SUPT3H: variants seen among roughly 807,000 people sequenced by gnomAD.
The protein encoded by SUPT3H is SPT3 homolog, SAGA and STAGA complex component.
A neutral mutation model predicts 44.3 loss-of-function variants in SUPT3H; 44 were observed. That is an observed-to-expected ratio of 0.99 (90% CI 0.78 to 1.28). The LOEUF (loss-of-function observed/expected upper bound fraction) is 1.28. SUPT3H is among the 50% of genes most tolerant of loss of function. The pLI is 0.00. For missense variants in SUPT3H, 380 were observed against 387.1 expected (o/e 0.98, Z 0.15); for synonymous variants, 124 against 125.6 (o/e 0.99, Z 0.09).
intron 2 of SUPT3H, among the ~76,000 whole-genome samples, chr6:45,221,385 TAA>T (rs149429310): frequency 0.018 from 2,784 of 152,122 alleles, 48 homozygotes; most frequent in South Asian, 0.085. Context: ...AATATAATAA[TAA>T]GAGTGAAATA....
intron 2 of SUPT3H, among the ~76,000 whole-genome samples, chr6:45,107,574 G>A (rs960579759): frequency 1.3e-5 from 2 of 152,084 alleles, no homozygotes; most frequent in Non-Finnish European, 2.9e-5. Flanking sequence ...TAGAGTATCT[G>A]CTACCCATAT....
chr6:45,114,959 C>T (rs1299731532), intron 2 of SUPT3H, among the ~76,000 whole-genome samples: 1 of 152,088 alleles, frequency 6.6e-6, no homozygotes, highest in African/African-American at 2.4e-5. Flanking sequence ...ACTCATTGTA[C>T]AACAACACGC....
Position 45,254,625 on chromosome 6 carries a change from G to T in SUPT3H, c.101+110576C>A, listed in dbSNP as rs1318001547. 1.2e-4 allele frequency among the ~76,000 whole-genome samples: 18 copies of T among 152,240 alleles called. No individual in the cohort carries two copies. The South Asian group carries it at 3.3e-3, about 28-fold the overall frequency. On this transcript the variant is annotated intron_variant, in intron 2 of 10. Coordinates refer to ENST00000371459, the MANE Select transcript of SUPT3H (RefSeq NM_003599.4). ...AGTATCAGGTAAAATGCCTTCCATT[G>T]CAAGAAACAGAAAACGCTGAATCAC...
At chr6:45,100,985 T>C (rs911022813) in intron 3 of SUPT3H, among the ~76,000 whole-genome samples, 1 of 152,198 alleles carries the variant, frequency 6.6e-6, no homozygotes, top group African/African-American at 2.4e-5. Flanking sequence ...ATGTGGTATA[T>C]ATTCACAATG....
intron 10 of SUPT3H, among the ~76,000 whole-genome samples, chr6:44,869,310 A>G (rs191729001): frequency 2.0e-5 from 3 of 152,296 alleles, no homozygotes; most frequent in Admixed American, 2.0e-4. Context: ...GTCTTCTACA[A>G]AAACAACTCC....
At chr6:44,810,307 A>G (rs1335188698) in intron 11 of SUPT3H, among the ~76,000 whole-genome samples, 1 of 152,236 alleles carries the variant, frequency 6.6e-6, no homozygotes, top group Non-Finnish European at 1.5e-5. Flanking sequence ...CTAACAGAAG[A>G]CGGAAGTTAT....
chr6:44,986,117 G>C (rs1439623879), intron 6 of SUPT3H, among the ~76,000 whole-genome samples: 1 of 152,102 alleles, frequency 6.6e-6, no homozygotes, highest in Non-Finnish European at 1.5e-5. Context: ...CTTAAAATTA[G>C]GGAGCCTAGC....
At chr6:45,061,226 G>A (rs1340819557) in intron 3 of SUPT3H, among the ~76,000 whole-genome samples, 1 of 152,126 alleles carries the variant, frequency 6.6e-6, no homozygotes, top group African/African-American at 2.4e-5. Context: ...ACTGGATAAA[G>A]AAAATGTGGT....
chr6:44,845,297 T>C (rs1044619732), intron 10 of SUPT3H, among the ~76,000 whole-genome samples: 11 of 152,236 alleles, frequency 7.2e-5, no homozygotes, highest in Middle Eastern at 3.2e-3. Flanking sequence ...GGAGTACATC[T>C]AAGCCATCCA....
intron 6 of SUPT3H, among the ~76,000 whole-genome samples, chr6:44,977,814 G>A (rs1040054350): frequency 6.6e-6 from 1 of 152,162 alleles, no homozygotes; most frequent in Non-Finnish European, 1.5e-5. Context: ...CTTTAGAGAT[G>A]TATAAAATTT....
At chr6:44,910,478 A>G (rs1474658940) in intron 10 of SUPT3H, among the ~76,000 whole-genome samples, 3 of 152,144 alleles carry the variant, frequency 2.0e-5, no homozygotes, top group Non-Finnish European at 4.4e-5. Flanking sequence ...ACTTCATGGG[A>G]TTTAAGTAAC....
intron 2 of SUPT3H, chr6:45,328,263 C>G: frequency 7.4e-7 from 1 of 1,347,994 alleles, no homozygotes; most frequent in South Asian, 1.2e-5. Flanking sequence ...TCTGCCTCTC[C>G]AGTAATAGTG....
intron 6 of SUPT3H, among the ~76,000 whole-genome samples, chr6:44,967,865 C>T (rs1776987728): frequency 6.6e-6 from 1 of 152,158 alleles, no homozygotes; most frequent in African/African-American, 2.4e-5. Flanking sequence ...TCATGGCTTA[C>T]TTCAGCCTCA....
chr6:44,845,767 C>G (rs1386757436), intron 10 of SUPT3H, among the ~76,000 whole-genome samples: 1 of 152,130 alleles, frequency 6.6e-6, no homozygotes, highest in African/African-American at 2.4e-5. Context: ...CTGAGCAACC[C>G]GACACCAGGG....
rs367603298 is a variant in SUPT3H at position 45,333,895 on chromosome 6, T to G, written c.101+31306A>C. On this transcript the variant is annotated intron_variant, in intron 2 of 10. Transcript: ENST00000371459. ...CTAAATAAAAGATAAATGTTTACCT[T>G]GATTAGATGATTTTCATCTTTTAAA... Among the ~76,000 whole-genome samples, 35 of 151,440 alleles carry G rather than the reference T, an allele frequency of 2.3e-4. No individual in the cohort carries two copies. In the East Asian group the frequency reaches 5.8e-3, roughly 25 times the overall value.
intron 3 of SUPT3H, among the ~76,000 whole-genome samples, chr6:45,039,681 A>G (rs936205455): frequency 9.2e-5 from 14 of 151,894 alleles, no homozygotes; most frequent in Non-Finnish European, 4.4e-5. Context: ...TTGGGAGGCT[A>G]AGGCAGGATA....
chr6:45,144,217 C>T (rs1562544162), intron 2 of SUPT3H, among the ~76,000 whole-genome samples: 1 of 151,954 alleles, frequency 6.6e-6, no homozygotes, highest in Non-Finnish European at 1.5e-5. Flanking sequence ...ACCCTAATAC[C>T]AAAACCAGAA....
intron 2 of SUPT3H, among the ~76,000 whole-genome samples, chr6:45,234,457 G>A (rs554143665): frequency 3.0e-4 from 45 of 150,488 alleles, no homozygotes; most frequent in African/African-American, 1.0e-3. Flanking sequence ...CTTGAACCCA[G>A]GAGGCAGAGG....
chr6:44,838,650 A>C (rs922293917), intron 10 of SUPT3H, among the ~76,000 whole-genome samples: 7 of 152,212 alleles, frequency 4.6e-5, no homozygotes, highest in South Asian at 2.1e-4. Flanking sequence ...CTACCACTAA[A>C]GAGCTTATCC....
Sources: gnomAD v4.1 joint callset for allele counts (sites outside exome capture counted in the v4.1 genomes callset) on GRCh38, gnomAD v4.1.1 for gene constraint, MANE v1.5 for transcripts, NCBI Gene and HGNC (gene_info 2026-07-23, HGNC 2026-07-21) for gene names.